Variants in SH3RF3 observed in about 807,000 individuals in gnomAD.
The protein encoded by SH3RF3 is SH3 domain containing ring finger 3.
A neutral mutation model predicts 66.3 loss-of-function variants in SH3RF3; 29 were observed. The observed-to-expected ratio is 0.44, with a 90% CI of 0.33 to 0.60. SH3RF3 has a LOEUF of 0.60. SH3RF3 is among the 20% of genes least tolerant of loss of function. The pLI, the probability that SH3RF3 is intolerant of heterozygous loss-of-function variation, is 0.04. For synonymous variants in SH3RF3, 583 were observed against 532.0 expected (o/e 1.10, Z -1.32); for missense variants, 1,194 against 1,190.9 (o/e 1.00, Z -0.04).
chr2:109,232,641 G>A (rs1679540845), intron 1 of SH3RF3, among the ~76,000 whole-genome samples: 13 of 152,166 alleles, frequency 8.5e-5, no homozygotes, highest in Admixed American at 8.5e-4. Context: ...TTTCTGGAAA[G>A]GGGTGATTGA....
At chr2:109,229,532 A>G (rs1382519045) in intron 1 of SH3RF3, among the ~76,000 whole-genome samples, 1 of 152,028 alleles carries the variant, frequency 6.6e-6, no homozygotes, top group Non-Finnish European at 1.5e-5. Context: ...TGAGAGCCCG[A>G]TACGGGAGGG....
At chr2:109,265,246 C>T (rs1004288597) in intron 1 of SH3RF3, among the ~76,000 whole-genome samples, 42 of 152,140 alleles carry the variant, frequency 2.8e-4, no homozygotes, top group African/African-American at 9.9e-4. Context: ...AGGGCCAAGG[C>T]AGGACAAGGC....
intron 1 of SH3RF3, among the ~76,000 whole-genome samples, chr2:109,213,069 C>T (rs975826388): frequency 5.9e-5 from 9 of 152,166 alleles, no homozygotes; most frequent in African/African-American, 1.4e-4. Flanking sequence ...TGGGAAGGCT[C>T]GGAGGAATCT....
chr2:109,352,957 A>G (rs1682871535), intron 2 of SH3RF3, among the ~76,000 whole-genome samples: 3 of 152,252 alleles, frequency 2.0e-5, no homozygotes, highest in Admixed American at 1.3e-4. Context: ...GAACCTACAC[A>G]GAATGTGAGC....
At chr2:109,462,686 C>T (rs781029204) in intron 8 of SH3RF3, among the ~76,000 whole-genome samples, 5 of 152,226 alleles carry the variant, frequency 3.3e-5, no homozygotes, top group Non-Finnish European at 2.9e-5. Context: ...CCTCTCTCCA[C>T]AGGTCAGGAA....
intron 1 of SH3RF3, among the ~76,000 whole-genome samples, chr2:109,154,086 T>G (rs1677283112): frequency 6.6e-6 from 1 of 152,192 alleles, no homozygotes; most frequent in Non-Finnish European, 1.5e-5. Flanking sequence ...ACACTGTCAA[T>G]ATGCTGTGGT....
rs1679443845 is a variant in SH3RF3, at chr2:109,503,292, A to T, written c.*1621A>T. ...GTAACATAGGGTGTCATTGGTTTTCAGGGATGTAACCAATTCCAGAAATAC... is the reference window on the plus strand; with the variant it reads ...GTAACATAGGGTGTCATTGGTTTTCTGGGATGTAACCAATTCCAGAAATAC... On this transcript the variant is annotated 3_prime_UTR_variant, in exon 10 of 10. Transcript: ENST00000309415. 6.6e-6 allele frequency: 1 copy of T among 152,224 alleles called. No homozygotes were observed. Among genetic ancestry groups the T allele is most frequent in the Non-Finnish European group, 1.5e-5 (1 of 68,046 alleles). The allele number at this position is 152,224 out of a possible 1,614,324, so 9.4% of individuals were successfully genotyped here.
chr2:109,282,946 G>A (rs1056037133), intron 1 of SH3RF3, among the ~76,000 whole-genome samples: 2 of 152,150 alleles, frequency 1.3e-5, no homozygotes, highest in African/African-American at 2.4e-5. Flanking sequence ...TGGTGGCATT[G>A]GGGCTGGCTT....
intron 1 of SH3RF3, among the ~76,000 whole-genome samples, chr2:109,337,736 C>CT (rs111316139): frequency 4.7e-5 from 7 of 150,502 alleles, no homozygotes; most frequent in East Asian, 1.9e-4. Context: ...TAAGGTCCCC[C>CT]TTTTTTTTTG....
chr2:109,324,015 C>T (rs756202670), intron 1 of SH3RF3, among the ~76,000 whole-genome samples: 23 of 152,194 alleles, frequency 1.5e-4, no homozygotes, highest in Non-Finnish European at 2.9e-4. Flanking sequence ...ATTTCTGTCC[C>T]TGTGGATCTT....
intron 5 of SH3RF3, among the ~76,000 whole-genome samples, chr2:109,425,443 A>C (rs1559076726): frequency 6.6e-6 from 1 of 152,330 alleles, no homozygotes; most frequent in East Asian, 1.9e-4. Context: ...TCATAGCTAG[A>C]GAGGAGATAT....
At chr2:109,225,644 A>AAATC (rs1384862876) in intron 1 of SH3RF3, among the ~76,000 whole-genome samples, 2 of 152,256 alleles carry the variant, frequency 1.3e-5, no homozygotes, top group African/African-American at 4.8e-5. Flanking sequence ...TGAATTTAGA[A>AAATC]AATCAAAAGA....
chr2:109,365,462 C>G (rs567416391), intron 2 of SH3RF3, among the ~76,000 whole-genome samples: 35 of 152,284 alleles, frequency 2.3e-4, no homozygotes, highest in African/African-American at 7.9e-4. Flanking sequence ...GCCCTGTGAC[C>G]TCAGTTCTCT....
chr2:109,423,348 C>T (rs150533473), intron 5 of SH3RF3, among the ~76,000 whole-genome samples: 1 of 152,262 alleles, frequency 6.6e-6, no homozygotes, highest in African/African-American at 2.4e-5. Flanking sequence ...GGGATGACCT[C>T]GCAGACCTTG....
At chr2:109,189,704 G>A (rs571494910) in intron 1 of SH3RF3, among the ~76,000 whole-genome samples, 14 of 152,254 alleles carry the variant, frequency 9.2e-5, no homozygotes, top group African/African-American at 3.4e-4. Context: ...AAAGTTGAAT[G>A]TAAAAGCCCA....
chr2:109,329,993 G>A (rs1180179694), intron 1 of SH3RF3, among the ~76,000 whole-genome samples: 1 of 152,206 alleles, frequency 6.6e-6, no homozygotes, highest in Non-Finnish European at 1.5e-5. Context: ...CTAGCATTGA[G>A]AGAATGTTGA....
chr2:109,413,497 T>C (rs1676647119), intron 4 of SH3RF3, among the ~76,000 whole-genome samples: 1 of 152,170 alleles, frequency 6.6e-6, no homozygotes, highest in South Asian at 2.1e-4. Flanking sequence ...TGTCTGTCTG[T>C]CTCTTTCTAT....
At chr2:109,168,081 A>G (rs990182956) in intron 1 of SH3RF3, among the ~76,000 whole-genome samples, 2 of 152,200 alleles carry the variant, frequency 1.3e-5, no homozygotes, top group African/African-American at 4.8e-5. Flanking sequence ...AAATCATCCT[A>G]CACACCCAAT....
intron 2 of SH3RF3, among the ~76,000 whole-genome samples, chr2:109,367,119 A>ATTTTTT (rs150005222): frequency 9.7e-5 from 11 of 113,316 alleles, no homozygotes; most frequent in African/African-American, 2.8e-4. Flanking sequence ...TGCCCTGGTA[A>ATTTTTT]TTTTTTTTTT....
Sources: allele counts gnomAD v4.1 joint callset (sites outside exome capture counted in the v4.1 genomes callset), GRCh38; gene constraint gnomAD v4.1.1; transcripts MANE v1.5; gene names NCBI Gene and HGNC (gene_info 2026-07-23, HGNC 2026-07-21).